Variants in TRERF1 observed in about 807,000 individuals in gnomAD.
The protein encoded by TRERF1 is transcriptional-regulating factor 1.
In TRERF1, 27 loss-of-function variants were observed where a neutral mutation model predicts 122.9. The observed-to-expected ratio is 0.22, with a 90% confidence interval of 0.16 to 0.30. TRERF1 has a LOEUF of 0.30. Among genes scored for constraint, TRERF1 ranks in the 10% least tolerant of loss-of-function variants. The pLI is 1.00. For missense variants in TRERF1, 1,248 were observed against 1,560.3 expected (o/e 0.80, Z 3.37); for synonymous variants, 636 against 641.7 (o/e 0.99, Z 0.13).
At chr6:42,445,239 G>A (rs1375337872) in intron 2 of TRERF1, among the ~76,000 whole-genome samples, 3 of 148,786 alleles carry the variant, frequency 2.0e-5, no homozygotes, top group Admixed American at 6.7e-5. Flanking sequence ...CTGCACTCCA[G>A]CCTGGACAAC....
At position 42,232,985 on chromosome 6, in the gene TRERF1, C is replaced by T; in HGVS notation, c.3067-93G>A. On this transcript the variant is annotated intron_variant, in intron 16 of 17. Coordinates refer to ENST00000372922, the Ensembl canonical transcript of TRERF1. This position sits in a 1 kb window ranked among gnomAD's most constrained non-coding sequence, Gnocchi z 4.5. ...AGTGGTAAACATGGAATACTTGAAACTGTCTAATGACAGGGCACAAGGGTT... is the reference window on the plus strand; with the variant it reads ...AGTGGTAAACATGGAATACTTGAAATTGTCTAATGACAGGGCACAAGGGTT... 6.9e-7 allele frequency: 1 copy of T among 1,459,438 alleles called. No homozygotes were observed. Among genetic ancestry groups the T allele is most frequent in the Non-Finnish European group, 9.1e-7 (1 of 1,101,484 alleles). The allele number at this position is 1,459,438 out of a possible 1,614,324, so 90.4% of individuals were successfully genotyped here.
chr6:42,412,873 A>T (rs1373123205), intron 2 of TRERF1, among the ~76,000 whole-genome samples: 2 of 152,158 alleles, frequency 1.3e-5, no homozygotes, highest in African/African-American at 4.8e-5. Context: ...TTGAACCCAG[A>T]AGTCTGAAGC....
intron 3 of TRERF1, among the ~76,000 whole-genome samples, chr6:42,359,309 C>T (rs1019977858): frequency 6.6e-6 from 1 of 152,162 alleles, no homozygotes; most frequent in Non-Finnish European, 1.5e-5. Context: ...TGCAGTATCT[C>T]ACTCAATCCC....
chr6:42,246,322 C>T, intron 14 of TRERF1, 134 bp downstream of exon 14: 1 of 722,648 alleles, frequency 1.4e-6, no homozygotes, highest in South Asian at 1.8e-5. Flanking sequence ...ATCTCCACTA[C>T]CATCCTCACC....
intron 16 of TRERF1, 100 bp from the exon 17 acceptor site, chr6:42,233,028 G>A (rs953198491): frequency 1.5e-6 from 2 of 1,294,522 alleles, no homozygotes; most frequent in African/African-American, 3.0e-5. Flanking sequence ...AGCAAACTTT[G>A]GGCATATGCT....
chr6:42,268,896 A>T lies in TRERF1; in HGVS notation c.695T>A (p.Leu232Gln), dbSNP rs781439555. The T allele has an allele frequency of 6.2e-7, 1 of 1,613,704 alleles. No individual in the cohort carries two copies. Among genetic ancestry groups the T allele is most frequent in the East Asian group, 2.2e-5 (1 of 44,838 alleles). The change falls in exon 5 of 18, where the codon CTG becomes CAG. Residue 232 changes from leucine to glutamine, a missense_variant. By Grantham distance (113) the Leu-to-Gln change is moderately radical (BLOSUM62 -2). This residue lies in a region of TRERF1 where 946 missense variants were observed against 1,073.0 expected (regional missense o/e 0.88). Coordinates refer to ENST00000372922, the Ensembl canonical transcript of TRERF1. The surrounding 1 kb of genome is among the most constrained non-coding windows in gnomAD (Gnocchi z 4.4). ...CAGAGGCTGCTGGTAGTCATAATACAGGTGCCCTTGGGTAGGGTGCTGCCC... is the reference window on the plus strand; with the variant it reads ...CAGAGGCTGCTGGTAGTCATAATACTGGTGCCCTTGGGTAGGGTGCTGCCC...
rs769688214 is a variant in TRERF1, at chr6:42,269,081, T to A, written c.510A>T (p.Ser170=). 18 of 1,614,226 alleles carry A rather than the reference T, an allele frequency of 1.1e-5. No homozygotes were observed. The highest frequency in any genetic ancestry group is 1.4e-5 in the Non-Finnish European group (17 of 1,180,038). The stretch of plus-strand genomic sequence containing the variant: ...TGTCAGGGGCTCCATCCATCACTGC[T>A]GACTGAGTGTGCAGCACCTGGGCCA... The change falls in exon 5 of 18, where the codon TCA becomes TCT. Residue 170 remains serine, a synonymous_variant. Coordinates refer to ENST00000372922, the Ensembl canonical transcript of TRERF1. This position sits in a 1 kb window ranked among gnomAD's most constrained non-coding sequence, Gnocchi z 4.9.
chr6:42,318,140 C>T (rs974102309), intron 3 of TRERF1, among the ~76,000 whole-genome samples: 4 of 150,252 alleles, frequency 2.7e-5, no homozygotes, highest in Non-Finnish European at 3.0e-5. Flanking sequence ...AGTAACAGGG[C>T]GAGACTCTGT....
chr6:42,415,037 T>C (rs937638128), intron 2 of TRERF1, among the ~76,000 whole-genome samples: 3 of 152,232 alleles, frequency 2.0e-5, no homozygotes, highest in Non-Finnish European at 4.4e-5. Context: ...AAAGTAATTT[T>C]TCTTTACACT....
chr6:42,258,005 C>G (rs971106729), intron 10 of TRERF1, 130 bp downstream of exon 10: 25 of 781,122 alleles, frequency 3.2e-5, no homozygotes, highest in Non-Finnish European at 4.7e-5. Flanking sequence ...CAACAGTACT[C>G]AAGAAATAAC....
In TRERF1 at chr6:42,232,711, G is replaced by A. The variant is rs1451019203; in HGVS notation, c.3248C>T (p.Thr1083Ile). ...ACACTCCTTGCAGGGGAAGATGGTG[G>A]TGGGGTCTGTCTCGCCGCTGGTGGT... Residue 1083 changes from threonine (T) to isoleucine (I), a missense_variant, in exon 17 of 18, where the codon ACC becomes ATC. Physicochemically the swap from Thr to Ile is moderately conservative, Grantham distance 89 (BLOSUM62 -1). Coordinates refer to ENST00000372922, the Ensembl canonical transcript of TRERF1. This position sits in a 1 kb window ranked among gnomAD's most constrained non-coding sequence, Gnocchi z 4.5. 3 of 1,605,670 alleles carry A rather than the reference G, an allele frequency of 1.9e-6. No homozygotes were observed. Among genetic ancestry groups the A allele is most frequent in the Non-Finnish European group, 1.7e-6 (2 of 1,173,258 alleles).
intron 2 of TRERF1, among the ~76,000 whole-genome samples, chr6:42,443,027 G>C (rs958606501): frequency 6.6e-6 from 1 of 152,178 alleles, no homozygotes; most frequent in Non-Finnish European, 1.5e-5. Context: ...AAGAGGCTTT[G>C]GAACTACAAA....
intron 9 of TRERF1, among the ~76,000 whole-genome samples, chr6:42,258,533 G>T (rs1329178457): frequency 6.6e-6 from 1 of 152,244 alleles, no homozygotes; most frequent in Non-Finnish European, 1.5e-5. Context: ...GTCAAGGCTT[G>T]ATCTTGCATG....
intron 13 of TRERF1, among the ~76,000 whole-genome samples, chr6:42,248,101 C>T (rs1775118154): frequency 6.6e-6 from 1 of 152,128 alleles, no homozygotes; most frequent in South Asian, 2.1e-4. Flanking sequence ...GTGAATCAGG[C>T]AAAAATGCTC....
intron 3 of TRERF1, among the ~76,000 whole-genome samples, chr6:42,329,185 T>C (rs1764805157): frequency 6.6e-6 from 1 of 151,880 alleles, no homozygotes; most frequent in African/African-American, 2.4e-5. Context: ...TTAGGCTCAA[T>C]TGGTCAGAAC....
rs1006957918 is a variant in TRERF1, at chr6:42,262,560, A to C, written c.1884+760T>G. Among the ~76,000 whole-genome samples the C allele has an allele frequency of 8.0e-5, 11 of 137,498 alleles. 1 individual carries two copies. The highest frequency in any genetic ancestry group is 2.8e-4 in the African/African-American group (10 of 36,040). The allele number at this position is 137,498 out of a possible 152,430, so 90.2% of individuals were successfully genotyped here. On this transcript the variant is annotated intron_variant, in intron 8 of 17. Transcript: ENST00000372922. ...GAGAGAGAGAGAGAGAGAGAGAGAGAGAGAGAGAGAGAGAGAGAGAGAGAG... is the reference window on the plus strand; with the variant it reads ...GAGAGAGAGAGAGAGAGAGAGAGAGCGAGAGAGAGAGAGAGAGAGAGAGAG...
intron 15 of TRERF1, among the ~76,000 whole-genome samples, chr6:42,236,921 C>T (rs896701247): frequency 2.0e-5 from 3 of 152,124 alleles, no homozygotes; most frequent in Admixed American, 6.5e-5. Flanking sequence ...ATTTGACCTG[C>T]GGTGTGCAGA....
chr6:42,239,805 A>C (rs1773217093), intron 15 of TRERF1, among the ~76,000 whole-genome samples: 1 of 151,764 alleles, frequency 6.6e-6, no homozygotes, highest in Non-Finnish European at 1.5e-5. Context: ...GACTGTGCAC[A>C]CAGTGCCCAC....
At position 42,439,961 on chromosome 6, in the gene TRERF1, T is replaced by G. The variant is rs182369693; in HGVS notation, c.-454+11216A>C. Among the ~76,000 whole-genome samples the G allele has an allele frequency of 3.5e-3, 533 of 152,334 alleles. 3 individuals carry two copies. Among genetic ancestry groups the G allele is most frequent in the South Asian group, 0.028 (137 of 4,822 alleles). On this transcript the variant is annotated intron_variant, in intron 2 of 17. Coordinates refer to ENST00000372922, the Ensembl canonical transcript of TRERF1. ...CCTTCACTAGACTCTGAGCTCCTCT[T>G]ATTTGTCCTGGCATTTCCAGCCATT...
Sources: gnomAD v4.1 joint callset for allele counts (sites outside exome capture counted in the v4.1 genomes callset) on GRCh38, gnomAD v4.1.1 for gene constraint, gnomAD v4.1.1 regional missense constraint, Gnocchi (gnomAD v3.1) non-coding constraint, MANE v1.5 for transcripts, NCBI Gene and HGNC (gene_info 2026-07-23, HGNC 2026-07-21) for gene names.